Variants in ANKFY1 observed in about 807,000 individuals in gnomAD.
ANKFY1 encodes ankyrin repeat and FYVE domain containing 1, also known as ankyrin repeat and FYVE domain-containing protein 1.
A neutral mutation model predicts 128.3 loss-of-function variants in ANKFY1; 47 were observed. The observed-to-expected ratio is 0.37, with a 90% CI of 0.29 to 0.47. The LOEUF (loss-of-function observed/expected upper bound fraction) is 0.47, where lower values mean the gene tolerates loss of function less well. Ranked by LOEUF, ANKFY1 falls within the 20% of genes least tolerant of loss-of-function variation. The pLI is 1.00. For missense variants in ANKFY1, 1,222 were observed against 1,510.6 expected (o/e 0.81, Z 3.17); for synonymous variants, 553 against 601.6 (o/e 0.92, Z 1.18).
chr17:4,215,342 A>G (rs77457122), intron 4 of ANKFY1, among the ~76,000 whole-genome samples: 4 of 151,130 alleles, frequency 2.6e-5, no homozygotes, highest in African/African-American at 9.7e-5. Context: ...TCCGTGGTAG[A>G]AAAAAAAAGA....
intron 11 of ANKFY1, chr17:4,187,511 A>G: frequency 2.7e-6 from 1 of 372,750 alleles, no homozygotes; most frequent in Non-Finnish European, 4.8e-6. Flanking sequence ...AGCGGAAGCC[A>G]GTGTTCCAGG....
rs376510277 is a variant in ANKFY1, at chr17:4,260,325, C to G, written c.10+3607G>C. 4.8e-4 allele frequency among the ~76,000 whole-genome samples: 73 copies of G among 152,112 alleles called. 1 individual carries two copies. The highest frequency in any genetic ancestry group is 1.4e-3 in the African/African-American group (59 of 41,510). On this transcript the variant is annotated intron_variant, in intron 1 of 24. Transcript: ENST00000341657. ...CCTTTTGAAGTAGTTCACTTACAAA[C>G]GAAGCTTAGGGCTGGGAGCGGTGGC...
intron 3 of ANKFY1, among the ~76,000 whole-genome samples, chr17:4,232,741 C>T (rs902891695): frequency 6.6e-6 from 1 of 152,178 alleles, no homozygotes; most frequent in Non-Finnish European, 1.5e-5. Context: ...CCAGACAGCA[C>T]TGAATTAAAG....
rs2059183506 is a variant in ANKFY1, at chr17:4,164,805, A to T, written c.*2974T>A. ...ACCACACACACACTGAGATCCACAC[A>T]GGGACCCATTCAGGGACAAGAGTGA... On this transcript the variant is annotated 3_prime_UTR_variant, in exon 25 of 25. Coordinates refer to ENST00000341657, the MANE Select transcript of ANKFY1 (RefSeq NM_001330063.2). 1 of 152,622 alleles carries T rather than the reference A, an allele frequency of 6.6e-6. No homozygotes were observed. The highest frequency in any genetic ancestry group is 6.5e-5 in the Admixed American group (1 of 15,290). The allele number at this position is 152,622 out of a possible 1,614,324, so 9.5% of individuals were successfully genotyped here. A position where few individuals can be genotyped will look rare whatever the true frequency, so the allele number is the denominator to read the frequency against.
intron 11 of ANKFY1, among the ~76,000 whole-genome samples, chr17:4,186,116 C>G (rs901677092): frequency 6.6e-6 from 1 of 152,218 alleles, no homozygotes; most frequent in Non-Finnish European, 1.5e-5. Context: ...CAGGAAAACA[C>G]ACGTATGCAC....
intron 8 of ANKFY1, among the ~76,000 whole-genome samples, chr17:4,196,428 T>G (rs889811932): frequency 9.2e-5 from 14 of 152,180 alleles, no homozygotes; most frequent in African/African-American, 3.4e-4. Context: ...AATGTTCTAA[T>G]GACAAGCGGG....
chr17:4,179,477 C>A (rs2059470520), intron 17 of ANKFY1: 3 of 570,660 alleles, frequency 5.3e-6, no homozygotes, highest in Non-Finnish European at 6.1e-6. Context: ...CAGAGGAAAT[C>A]TGTAACTAAG....
intron 3 of ANKFY1, among the ~76,000 whole-genome samples, chr17:4,224,231 T>G (rs1334706159): frequency 2.0e-4 from 28 of 137,908 alleles, no homozygotes; most frequent in Non-Finnish European, 3.8e-4. Flanking sequence ...TTTTTTTTTT[T>G]TTTTTTTTTT....
intron 2 of ANKFY1, among the ~76,000 whole-genome samples, chr17:4,236,868 G>A (rs1311309014): frequency 6.6e-6 from 1 of 152,110 alleles, no homozygotes. Context: ...AGCCAGGCGT[G>A]GGGGCTCACA....
chr17:4,189,636 C>T (rs1699893993), intron 10 of ANKFY1, among the ~76,000 whole-genome samples, 157 bp from the exon 11 acceptor site: 1 of 151,912 alleles, frequency 6.6e-6, no homozygotes, highest in African/African-American at 2.4e-5. Flanking sequence ...AGTAGGCCCA[C>T]GCCAGAGAGT....
intron 11 of ANKFY1, chr17:4,186,765 G>A (rs4790587): frequency 0.59 from 566,020 of 961,008 alleles, 169,144 homozygotes; most frequent in East Asian, 0.75. Context: ...TTCTTCCTAC[G>A]CATTCTCCTT....
chr17:4,232,271 A>C (rs1206994656), intron 3 of ANKFY1, among the ~76,000 whole-genome samples: 1 of 152,210 alleles, frequency 6.6e-6, no homozygotes, highest in Admixed American at 6.5e-5. Context: ...AATTGCTGCC[A>C]TGAAGTGTCA....
chr17:4,170,997 G>A lies in ANKFY1; in HGVS notation c.3140-136C>T, dbSNP rs927102882. On this transcript the variant is annotated intron_variant, in intron 22 of 24. Coordinates refer to ENST00000341657, the MANE Select transcript of ANKFY1 (RefSeq NM_001330063.2). ...GTTCACAAAGTCCCCACAGACATAC[G>A]GGGGCCCCGAGGCTCTGGAGAGAAC... 18 of 1,292,598 alleles carry A rather than the reference G, an allele frequency of 1.4e-5. No individual in the cohort carries two copies. In the Admixed American group the frequency reaches 1.7e-4, roughly 12 times the overall value. The allele number at this position is 1,292,598 out of a possible 1,614,324, so 80.1% of individuals were successfully genotyped here.
At chr17:4,234,881 T>G (rs751086076) in intron 3 of ANKFY1, among the ~76,000 whole-genome samples, 1 of 152,196 alleles carries the variant, frequency 6.6e-6, no homozygotes, top group African/African-American at 2.4e-5. Flanking sequence ...GTGGGATACA[T>G]ATATAGTAAA....
At chr17:4,220,507 C>T (rs1018890244) in intron 3 of ANKFY1, among the ~76,000 whole-genome samples, 1 of 152,170 alleles carries the variant, frequency 6.6e-6, no homozygotes, top group Non-Finnish European at 1.5e-5. Flanking sequence ...TGCAAACTTG[C>T]CCGGTTAATC....
rs557575965 is a variant in ANKFY1, at chr17:4,207,841, T to A, written c.732+92A>T. ...ATCCGTACGTTAAAGACTGTGCCAG[T>A]CATGGCTCGGAAGGAAGTGAGAAGT... On this transcript the variant is annotated intron_variant, in intron 6 of 24. Coordinates refer to ENST00000341657, the MANE Select transcript of ANKFY1 (RefSeq NM_001330063.2). The A allele has an allele frequency of 4.3e-5, 57 of 1,319,634 alleles. 1 individual carries two copies. The East Asian group carries it at 5.6e-4, about 13-fold the overall frequency. 81.7% of individuals were successfully genotyped at this position (1,319,634 alleles called of 1,614,324 possible). A position where few individuals can be genotyped will look rare whatever the true frequency, so the allele number is the denominator to read the frequency against.
intron 4 of ANKFY1, 191 bp downstream of exon 4, chr17:4,216,792 A>G: frequency 1.4e-6 from 1 of 712,936 alleles, no homozygotes; most frequent in South Asian, 1.6e-5. Flanking sequence ...AGAATAGCAA[A>G]AGCTTTAGCA....
In ANKFY1 at chr17:4,263,964, A is replaced by G. The variant is rs1206782770; in HGVS notation, c.-23T>C. On this transcript the variant is annotated 5_prime_UTR_variant, in exon 1 of 25. Coordinates refer to ENST00000341657, the MANE Select transcript of ANKFY1 (RefSeq NM_001330063.2). Reference sequence around the variant, plus strand: ...CATGTCTGGCCCGGCACTGCCTGCAACCTCGCGAGAAGTGCGCGGCTCAAC... The same window carrying G: ...CATGTCTGGCCCGGCACTGCCTGCAGCCTCGCGAGAAGTGCGCGGCTCAAC... 1 of 1,613,948 alleles carries G rather than the reference A, an allele frequency of 6.2e-7. No individual in the cohort carries two copies. The highest frequency in any genetic ancestry group is 1.1e-5 in the South Asian group (1 of 91,088).
chr17:4,196,140 C>A (rs12945054), intron 8 of ANKFY1, among the ~76,000 whole-genome samples: 2 of 48,850 alleles, frequency 4.1e-5, no homozygotes, highest in South Asian at 1.1e-3. Flanking sequence ...AAGGCTGCAT[C>A]TACTACACAC....
Sources: allele counts gnomAD v4.1 joint callset (sites outside exome capture counted in the v4.1 genomes callset), GRCh38; gene constraint gnomAD v4.1.1; transcripts MANE v1.5; gene names NCBI Gene and HGNC (gene_info 2026-07-23, HGNC 2026-07-21).